ZNF407: variants seen among roughly 807,000 people sequenced by gnomAD.
The protein encoded by ZNF407 is zinc finger protein 407.
A neutral mutation model predicts 131.2 loss-of-function variants in ZNF407; 17 were observed. That is an observed-to-expected ratio of 0.13 (90% CI 0.09 to 0.19). The LOEUF (loss-of-function observed/expected upper bound fraction) is 0.19. Among genes scored for constraint, ZNF407 ranks in the 10% least tolerant of loss-of-function variants. The probability of loss-of-function intolerance (pLI) is 1.00; values close to 1 mark genes in which losing one functional copy is unlikely to be tolerated. For synonymous variants in ZNF407, 1,156 were observed against 1,062.0 expected (o/e 1.09, Z -1.72); for missense variants, 2,681 against 2,830.6 (o/e 0.95, Z 1.20).
intron 3 of ZNF407, among the ~76,000 whole-genome samples, chr18:74,745,416 G>A (rs1401028439): frequency 6.6e-6 from 1 of 152,074 alleles, no homozygotes; most frequent in Non-Finnish European, 1.5e-5. Context: ...CAAATGTGAA[G>A]ATCAGATGTG....
At chr18:74,846,345 CTT>C (rs538147066) in intron 4 of ZNF407, among the ~76,000 whole-genome samples, 6 of 145,048 alleles carry the variant, frequency 4.1e-5, no homozygotes, top group South Asian at 2.2e-4. Context: ...GTTAAAACGT[CTT>C]TTTTTTTTTT....
chr18:74,710,242 A>G (rs1240632545), intron 3 of ZNF407, among the ~76,000 whole-genome samples: 2 of 152,200 alleles, frequency 1.3e-5, no homozygotes, highest in Non-Finnish European at 2.9e-5. Flanking sequence ...TATACAGATT[A>G]ATAGAAATTA....
At chr18:74,874,896 C>T (rs1971134875) in intron 4 of ZNF407, among the ~76,000 whole-genome samples, 1 of 152,150 alleles carries the variant, frequency 6.6e-6, no homozygotes, top group Non-Finnish European at 1.5e-5. Flanking sequence ...TCAGGTGTTT[C>T]TGCTGTCCAG....
At chr18:74,768,759 G>A (rs1292663616) in intron 3 of ZNF407, among the ~76,000 whole-genome samples, 2 of 152,130 alleles carry the variant, frequency 1.3e-5, no homozygotes, top group Non-Finnish European at 2.9e-5. Context: ...TACTACAGTT[G>A]TGGTTTTATC....
In ZNF407 at chr18:74,703,071, G is replaced by A. The variant is rs1387164778; in HGVS notation, c.4802+61949G>A. Among the ~76,000 whole-genome samples the A allele has an allele frequency of 6.6e-6, 1 of 152,226 alleles. No individual in the cohort carries two copies. Among genetic ancestry groups the A allele is most frequent in the African/African-American group, 2.4e-5 (1 of 41,458 alleles). ...TAACTTACACATGCCTGGTCTAGTGGTTGGAGAAACTCCTGATGGAGGTGG... is the reference window on the plus strand; with the variant it reads ...TAACTTACACATGCCTGGTCTAGTGATTGGAGAAACTCCTGATGGAGGTGG... On this transcript the variant is annotated intron_variant, in intron 3 of 8. Coordinates refer to ENST00000299687, the MANE Select transcript of ZNF407 (RefSeq NM_017757.3). The surrounding 1 kb of genome is among the most constrained non-coding windows in gnomAD (Gnocchi z 4.1).
At chr18:74,659,671 C>T (rs531582687) in intron 3 of ZNF407, among the ~76,000 whole-genome samples, 174 of 152,222 alleles carry the variant, frequency 1.1e-3, no homozygotes, top group African/African-American at 3.9e-3. Context: ...AGTAAAAAGA[C>T]ACAGCAGCAA....
In ZNF407 at chr18:74,673,419, G is replaced by T. The variant is rs750832121; in HGVS notation, c.4802+32297G>T. Among the ~76,000 whole-genome samples, 4 of 152,124 alleles carry T rather than the reference G, an allele frequency of 2.6e-5. No homozygotes were observed. The South Asian group carries it at 8.3e-4, about 32-fold the overall frequency. On this transcript the variant is annotated intron_variant, in intron 3 of 8. Coordinates refer to ENST00000299687, the MANE Select transcript of ZNF407 (RefSeq NM_017757.3). ...GGCTAGGGTCCCCTGAAATCTCTCT[G>T]GTTGTGACCCTACTCTTCCCTCTTT... is the stretch of plus-strand genomic sequence containing the variant.
At position 74,700,046 on chromosome 18, in the gene ZNF407, A is replaced by T. The variant is rs1967455193; in HGVS notation, c.4802+58924A>T. Among the ~76,000 whole-genome samples, 3 of 152,206 alleles carry T rather than the reference A, an allele frequency of 2.0e-5. No homozygotes were observed. The South Asian group carries it at 6.2e-4, about 31-fold the overall frequency. On this transcript the variant is annotated intron_variant, in intron 3 of 8. Transcript: ENST00000299687. ...AAATATGGTTACCATGCTTAAAAAA[A>T]CACTTCAAACTTGTAAACTTATTTA...
chr18:74,682,485 G>T (rs957281621), intron 3 of ZNF407, among the ~76,000 whole-genome samples: 4 of 152,130 alleles, frequency 2.6e-5, no homozygotes, highest in African/African-American at 9.7e-5. Flanking sequence ...CAGCTTTTCA[G>T]TGTGGTCACA....
chr18:74,804,301 T>TG (rs1970074869), intron 4 of ZNF407: 1 of 1,158,270 alleles, frequency 8.6e-7, no homozygotes, highest in Non-Finnish European at 1.1e-6. Context: ...CATCAATGAG[T>TG]TAAAAAAAAA....
chr18:74,634,098 C>T lies in ZNF407; in HGVS notation c.3079C>T (p.His1027Tyr). 4.3e-6 allele frequency: 7 copies of T among 1,614,028 alleles called. No individual in the cohort carries two copies. The highest frequency in any genetic ancestry group is 5.9e-6 in the Non-Finnish European group (7 of 1,179,908). Residue 1027 changes from histidine to tyrosine, a missense_variant, in exon 2 of 9, where the codon CAC becomes TAC. Physicochemically the swap from His to Tyr is moderately conservative, Grantham distance 83. Transcript: ENST00000299687. ...GTGTTTGCACTGTGAGTTTAGTGCT[C>T]ACTCCTCTGCTTCTCTAGAGCTGCA... ...NKCLHCEFSA[H>Y]SSASLELHVK...
intron 4 of ZNF407, among the ~76,000 whole-genome samples, chr18:74,845,601 A>G (rs981403671): frequency 3.9e-5 from 6 of 152,182 alleles, no homozygotes; most frequent in Admixed American, 3.9e-4. Flanking sequence ...TTTGTAAGTC[A>G]TTTCATCATC....
chr18:74,677,872 A>G (rs958685041), intron 3 of ZNF407, among the ~76,000 whole-genome samples: 7 of 151,904 alleles, frequency 4.6e-5, no homozygotes, highest in Non-Finnish European at 1.0e-4. Flanking sequence ...CCTAGGCTGG[A>G]GTGCAGTGGC....
At chr18:74,741,896 C>T (rs1968559819) in intron 3 of ZNF407, among the ~76,000 whole-genome samples, 2 of 152,202 alleles carry the variant, frequency 1.3e-5, no homozygotes, top group South Asian at 4.1e-4. Flanking sequence ...CAATTATTTG[C>T]TACTATAGGA....
intron 3 of ZNF407, among the ~76,000 whole-genome samples, chr18:74,676,865 C>T (rs966403564): frequency 6.6e-5 from 10 of 152,048 alleles, no homozygotes; most frequent in Non-Finnish European, 1.3e-4. Context: ...TTGTCTTTTC[C>T]ACAGTTTAGT....
intron 8 of ZNF407, among the ~76,000 whole-genome samples, chr18:75,008,565 A>G (rs1972938128): frequency 6.6e-6 from 1 of 152,186 alleles, no homozygotes; most frequent in African/African-American, 2.4e-5. Context: ...ATATGGTTGC[A>G]AAAAAGCTCT....
intron 8 of ZNF407, among the ~76,000 whole-genome samples, chr18:75,019,020 A>C (rs1973076802): frequency 6.6e-6 from 1 of 152,166 alleles, no homozygotes; most frequent in African/African-American, 2.4e-5. Flanking sequence ...AATCTGATCA[A>C]ACCCATTTAA....
At chr18:74,851,752 A>G (rs1264960806) in intron 4 of ZNF407, among the ~76,000 whole-genome samples, 3 of 152,216 alleles carry the variant, frequency 2.0e-5, no homozygotes, top group Non-Finnish European at 4.4e-5. Flanking sequence ...AAATCGCCAG[A>G]GGCCACAGTT....
At chr18:74,825,540 T>C in intron 4 of ZNF407, among the ~76,000 whole-genome samples, 1 of 152,286 alleles carries the variant, frequency 6.6e-6, no homozygotes, top group East Asian at 1.9e-4. Context: ...TTTTGAAACT[T>C]ATTTAGATTG....
Sources: allele counts gnomAD v4.1 joint callset (sites outside exome capture counted in the v4.1 genomes callset), GRCh38; gene constraint gnomAD v4.1.1; non-coding constraint Gnocchi (gnomAD v3.1); transcripts MANE v1.5; gene names NCBI Gene and HGNC (gene_info 2026-07-23, HGNC 2026-07-21).